ELF5: variants seen among roughly 807,000 people sequenced by gnomAD.
The protein encoded by ELF5 is ETS-related transcription factor Elf-5.
In ELF5, 31 loss-of-function variants were observed where a neutral mutation model predicts 38.2. That is an observed-to-expected ratio of 0.81 (90% CI 0.61 to 1.10). The LOEUF (loss-of-function observed/expected upper bound fraction) is 1.10, where lower values mean the gene tolerates loss of function less well. ELF5 is among the 50% of genes least tolerant of loss of function. The probability of loss-of-function intolerance (pLI) is 0.00; values close to 1 mark genes in which losing one functional copy is unlikely to be tolerated. For synonymous variants in ELF5, 121 were observed against 112.5 expected, an observed-to-expected ratio of 1.08 and a Z score of -0.48; for missense variants, 300 against 306.6, an observed-to-expected ratio of 0.98 and a Z score of 0.16.
chr11:34,508,417 C>T (rs748534746), intron 1 of ELF5, among the ~76,000 whole-genome samples: 3 of 151,996 alleles, frequency 2.0e-5, no homozygotes, highest in Non-Finnish European at 2.9e-5. Context: ...ACAGGAGAAT[C>T]GCTTGAACCT....
At chr11:34,496,902 G>GC (rs1456708944) in intron 2 of ELF5, among the ~76,000 whole-genome samples, 1 of 152,142 alleles carries the variant, frequency 6.6e-6, no homozygotes, top group South Asian at 2.1e-4. Flanking sequence ...CTCTTACCAC[G>GC]CCCCACTCTT....
intron 1 of ELF5, among the ~76,000 whole-genome samples, chr11:34,511,338 C>T (rs573987028): frequency 1.6e-4 from 24 of 152,298 alleles, no homozygotes; most frequent in Non-Finnish European, 3.4e-4. Flanking sequence ...ACTGGATATT[C>T]TTTGCCCAGC....
Position 34,480,652 on chromosome 11 carries a change from T to C in ELF5, c.671+120A>G, listed in dbSNP as rs1017409143. 11 of 1,142,904 alleles carry C rather than the reference T, an allele frequency of 9.6e-6. No homozygotes were observed. The East Asian group carries it at 2.7e-4, about 28-fold the overall frequency. 70.8% of individuals were successfully genotyped at this position (1,142,904 alleles called of 1,614,324 possible). A position where few individuals can be genotyped will look rare whatever the true frequency, so the allele number is the denominator to read the frequency against. The stretch of plus-strand genomic sequence containing the variant: ...CTACCTGTAACTAAGAACCAAAGTT[T>C]TGTCTCATGACCTTTCCATTATCAA... On this transcript the variant is annotated intron_variant, in intron 6 of 6. Transcript: ENST00000257832.
intron 2 of ELF5, among the ~76,000 whole-genome samples, chr11:34,504,251 G>C (rs1448048451): frequency 6.6e-6 from 1 of 152,236 alleles, no homozygotes; most frequent in East Asian, 1.9e-4. Context: ...CAAAGTTCAA[G>C]GGAAGGAGAC....
chr11:34,493,097 G>A, intron 3 of ELF5: 2 of 359,488 alleles, frequency 5.6e-6, no homozygotes, highest in South Asian at 1.0e-4. Context: ...AAAAGGGAAG[G>A]TAGTCTATTT....
chr11:34,483,298 T>G (rs1422994972), intron 4 of ELF5, among the ~76,000 whole-genome samples: 1 of 152,026 alleles, frequency 6.6e-6, no homozygotes, highest in Non-Finnish European at 1.5e-5. Flanking sequence ...CTCCGCATTT[T>G]ACATAGAATA....
chr11:34,481,435 A>G (rs575432555), intron 5 of ELF5, among the ~76,000 whole-genome samples: 1 of 152,180 alleles, frequency 6.6e-6, no homozygotes, highest in Admixed American at 6.5e-5. Context: ...CTGGAAACTT[A>G]CTGAGCTGTG....
rs201472486 is a variant in ELF5 at position 34,493,500 on chromosome 11, G to A, written c.334C>T (p.Leu112Phe). The A allele has an allele frequency of 2.5e-6, 4 of 1,613,924 alleles. No homozygotes were observed. The highest frequency in any genetic ancestry group is 2.5e-6 in the Non-Finnish European group (3 of 1,179,920). Residue 112 changes from leucine to phenylalanine, a missense_variant, in exon 3 of 7, where the codon CTC (leucine) becomes TTC (phenylalanine). Transcript: ENST00000257832. ...GLCGEYLYFI[L>F]QNIRTQGYSF... ...TGACCTTGTGTGCGGATGTTCTGGA[G>A]GATGAAGTACAGGTACTCGCCGCAG...
intron 3 of ELF5, chr11:34,492,599 G>A (rs899386457): frequency 6.6e-6 from 1 of 152,194 alleles, no homozygotes; most frequent in Non-Finnish European, 1.5e-5. Context: ...TGGAAAAACA[G>A]CTGCCATTTA....
intron 2 of ELF5, among the ~76,000 whole-genome samples, chr11:34,501,519 C>A (rs758521901): frequency 6.6e-6 from 1 of 152,042 alleles, no homozygotes; most frequent in Non-Finnish European, 1.5e-5. Context: ...TACTGGAACT[C>A]GACTGGAGAA....
At chr11:34,511,145 A>G (rs1361573824) in intron 1 of ELF5, among the ~76,000 whole-genome samples, 1 of 152,196 alleles carries the variant, frequency 6.6e-6, no homozygotes, top group Non-Finnish European at 1.5e-5. Context: ...TCACACACAT[A>G]TGCATACACA....
intron 5 of ELF5, among the ~76,000 whole-genome samples, chr11:34,482,131 T>G (rs1856955494): frequency 6.6e-6 from 1 of 152,210 alleles, no homozygotes; most frequent in Admixed American, 6.5e-5. Context: ...AAAGCTAATG[T>G]TCACAACTAC....
chr11:34,479,990 T>TC lies in ELF5; in HGVS notation c.*227dup. On this transcript the variant is annotated 3_prime_UTR_variant, in exon 7 of 7. Coordinates refer to ENST00000257832, the MANE Select transcript of ELF5 (RefSeq NM_001422.4). ...TTGATCAAGACACCACAAAAGATCA[T>TC]CCCCTCATCCCCTTAGGGAGAAGAA... The TC allele has an allele frequency of 1.9e-6, 1 of 532,986 alleles. No homozygotes were observed. Among genetic ancestry groups the TC allele is most frequent in the South Asian group, 2.4e-5 (1 of 42,394 alleles). 33.0% of individuals were successfully genotyped at this position (532,986 alleles called of 1,614,324 possible).
At chr11:34,492,926 T>A (rs1850212640) in intron 3 of ELF5, 1 of 168,114 alleles carries the variant, frequency 5.9e-6, no homozygotes, top group Non-Finnish European at 1.3e-5. Flanking sequence ...TAGAGCTCGA[T>A]GTTCTCAAAG....
Position 34,505,763 on chromosome 11 carries a change from C to G in ELF5, c.-4-10G>C. The G allele has an allele frequency of 6.2e-7, 1 of 1,612,372 alleles. No individual in the cohort carries two copies. Among genetic ancestry groups the G allele is most frequent in the Non-Finnish European group, 8.5e-7 (1 of 1,179,126 alleles). On this transcript the variant is annotated splice_polypyrimidine_tract_variant and intron_variant, in intron 1 of 6. Transcript: ENST00000257832. ...CGAGTCCAACATTACCCTGCAACAGCAGGAGAGGTCGTGAGGAGGCTGGGG... is the reference window on the plus strand; with the variant it reads ...CGAGTCCAACATTACCCTGCAACAGGAGGAGAGGTCGTGAGGAGGCTGGGG...
chr11:34,482,480 C>G lies in ELF5; in HGVS notation c.426G>C (p.Leu142Phe). The G allele has an allele frequency of 6.2e-7, 1 of 1,613,090 alleles. No homozygotes were observed. Among genetic ancestry groups the G allele is most frequent in the Non-Finnish European group, 8.5e-7 (1 of 1,179,744 alleles). The change falls in exon 5 of 7, where the codon TTG (leucine) becomes TTC (phenylalanine). Residue 142 changes from leucine (L) to phenylalanine (F), a missense_variant. Physicochemically the swap from Leu to Phe is conservative, Grantham distance 22. Coordinates refer to ENST00000257832, the MANE Select transcript of ELF5 (RefSeq NM_001422.4). ...CTTGACTTTTGATGCCACTTGTTTT[C>G]AAGCAGTTGGAATCAGCATCTGAAA... ...TIKDYADSNC[L>F]KTSGIKSQDC...
chr11:34,491,989 G>A (rs1228812488), intron 3 of ELF5: 1 of 152,188 alleles, frequency 6.6e-6, no homozygotes, highest in Non-Finnish European at 1.5e-5. Flanking sequence ...GACAAATGAG[G>A]TTGACTTGAC....
intron 1 of ELF5, among the ~76,000 whole-genome samples, chr11:34,509,633 T>C (rs946074234): frequency 7.1e-6 from 1 of 140,798 alleles, no homozygotes. Context: ...AGGGAGGGGG[T>C]AGGATGCTGA....
At chr11:34,497,111 T>C (rs548248703) in intron 2 of ELF5, among the ~76,000 whole-genome samples, 1 of 152,290 alleles carries the variant, frequency 6.6e-6, no homozygotes, top group Non-Finnish European at 1.5e-5. Flanking sequence ...AGAACCTTAA[T>C]GAAGACATGA....
Sources: allele counts gnomAD v4.1 joint callset (sites outside exome capture counted in the v4.1 genomes callset), GRCh38; gene constraint gnomAD v4.1.1; transcripts MANE v1.5; gene names NCBI Gene and HGNC (gene_info 2026-07-23, HGNC 2026-07-21).